The following CAPN14 variants were observed in gnomAD, a reference collection of about 807,000 sequenced individuals.
The protein encoded by CAPN14 is calpain-14.
CAPN14 carries 94 observed loss-of-function variants against 101.3 expected under a neutral mutation model. The observed-to-expected ratio is 0.93, with a 90% CI of 0.79 to 1.10. The LOEUF is 1.10. Among genes scored for constraint, CAPN14 ranks in the 50% least tolerant of loss-of-function variants. The pLI, the probability that CAPN14 is intolerant of heterozygous loss-of-function variation, is 0.00. For synonymous variants in CAPN14, 338 were observed against 317.9 expected (o/e 1.06, Z -0.67); for missense variants, 837 against 828.4 (o/e 1.01, Z -0.13).
At chr2:31,184,052 T>C (rs935600257) in intron 16 of CAPN14, among the ~76,000 whole-genome samples, 1 of 152,114 alleles carries the variant, frequency 6.6e-6, no homozygotes, top group Non-Finnish European at 1.5e-5. Context: ...TGGCTAATTT[T>C]TCATATTTTT....
intron 16 of CAPN14, among the ~76,000 whole-genome samples, chr2:31,182,887 A>C (rs1220576157): frequency 6.6e-6 from 1 of 151,458 alleles, no homozygotes; most frequent in African/African-American, 2.4e-5. Flanking sequence ...AGTCAATCCT[A>C]AGCCAAAAGA....
At chr2:31,217,844 C>T (rs75910154), upstream of CAPN14, among the ~76,000 whole-genome samples, 1,434 of 152,238 alleles carry the variant, frequency 9.4e-3, 22 homozygotes, top group African/African-American at 0.031. Context: ...CTCACCTCCC[C>T]ACAACTCCCA....
At chr2:31,181,548 T>G (rs1680632347) in intron 16 of CAPN14, among the ~76,000 whole-genome samples, 1 of 149,350 alleles carries the variant, frequency 6.7e-6, no homozygotes, top group Admixed American at 6.7e-5. Context: ...ATACCTTAAG[T>G]TTTAGGGTAC....
At chr2:31,191,301 C>T in intron 12 of CAPN14, 98 bp downstream of exon 12, 1 of 1,178,966 alleles carries the variant, frequency 8.5e-7, no homozygotes, top group South Asian at 1.5e-5. Flanking sequence ...GCTTCTTACG[C>T]AGTAGAAGCC....
chr2:31,204,502 C>A (rs182131347), intron 2 of CAPN14, among the ~76,000 whole-genome samples: 1 of 152,138 alleles, frequency 6.6e-6, no homozygotes, highest in African/African-American at 2.4e-5. Flanking sequence ...GTTTCAGCCC[C>A]ACCCCCTGAT....
At chr2:31,221,816 C>T (rs1008239371), upstream of CAPN14, among the ~76,000 whole-genome samples, 5 of 152,232 alleles carry the variant, frequency 3.3e-5, no homozygotes, top group South Asian at 2.1e-4. Context: ...TAAGACATTG[C>T]GACTGATGCC....
chr2:31,225,873 AAGAC>A lies in CAPN14; in HGVS notation c.-53+651_-53+654del, dbSNP rs139668061. 9.6e-3 allele frequency among the ~76,000 whole-genome samples: 1,462 copies of A among 152,256 alleles called. 19 individuals are homozygous for A. The highest frequency in any genetic ancestry group is 0.034 in the African/African-American group (1,399 of 41,532). On this transcript the variant is annotated intron_variant and NMD_transcript_variant, in intron 2 of 21. Coordinates refer to the CAPN14 transcript ENST00000398824. ...ATTACTTTTCAACTGGAAAAAATAA[AAGAC>A]AGAAAGGGAGAGGAGGAGGAAGACA...
rs550577225 is a variant in CAPN14 at position 31,203,073 on chromosome 2, C to A, written c.292G>T (p.Val98Leu). Residue 98 changes from valine to leucine, a missense_variant, in exon 3 of 22, where the codon GTA becomes TTA. By Grantham distance (32) the Val-to-Leu change is conservative (BLOSUM62 1). Coordinates refer to ENST00000403897, the MANE Select transcript of CAPN14 (RefSeq NM_001145122.2). ...TCTCGGGGCTGTGCAAACTTACCTACTATCCCCTGGCACAGATCCAGCCTT... is the reference window on the plus strand; with the variant it reads ...TCTCGGGGCTGTGCAAACTTACCTAATATCCCCTGGCACAGATCCAGCCTT... ...AKRLDLCQGIVGDCWFLAALQ... is the reference protein window; with the variant it reads ...AKRLDLCQGILGDCWFLAALQ... The A allele has an allele frequency of 1.9e-6, 3 of 1,551,558 alleles. No individual in the cohort carries two copies. The highest frequency in any genetic ancestry group is 2.4e-5 in the South Asian group (2 of 84,048).
At chr2:31,223,931 TA>T (rs762969099) in intron 2 of CAPN14, among the ~76,000 whole-genome samples, 15 of 152,214 alleles carry the variant, frequency 9.9e-5, no homozygotes, top group Non-Finnish European at 1.6e-4. Flanking sequence ...ACCTGACATA[TA>T]ACAGGCTCTC....
chr2:31,181,791 C>T (rs557198160), intron 16 of CAPN14, among the ~76,000 whole-genome samples: 24 of 146,536 alleles, frequency 1.6e-4, no homozygotes, highest in African/African-American at 4.9e-4. Flanking sequence ...TTTGTCCTTG[C>T]GATAGTTTAC....
At chr2:31,206,746 T>C (rs1338484881) in intron 1 of CAPN14, among the ~76,000 whole-genome samples, 2 of 152,224 alleles carry the variant, frequency 1.3e-5, no homozygotes, top group African/African-American at 4.8e-5. Flanking sequence ...TGGAGCTTCT[T>C]GCAGGACAGG....
chr2:31,206,021 ATTTTTTTTATTTATTTAT>A (rs958446372), intron 1 of CAPN14, among the ~76,000 whole-genome samples: 3 of 108,752 alleles, frequency 2.8e-5, no homozygotes, highest in African/African-American at 9.2e-5. Context: ...CATTATCTTT[ATTTTTTTTATTTATTTAT>A]TTTTTTTTTT....
intron 1 of CAPN14, among the ~76,000 whole-genome samples, chr2:31,210,986 G>A (rs539990716): frequency 2.6e-5 from 4 of 152,016 alleles, no homozygotes; most frequent in South Asian, 2.1e-4. Context: ...GAGCACATCC[G>A]AATTATTTTC....
Position 31,183,309 on chromosome 2 carries a change from T to C in CAPN14, c.1646-2309A>G, listed in dbSNP as rs570741152. ...TTCATGACTAAAACACCAAAAGCAA[T>C]GGCAACAAAAGCCAAAATTGAAAAA... On this transcript the variant is annotated intron_variant, in intron 16 of 21. Transcript: ENST00000403897. Among the ~76,000 whole-genome samples the C allele has an allele frequency of 6.0e-4, 91 of 152,194 alleles. No homozygotes were observed. In the East Asian group the frequency reaches 0.016, roughly 27 times the overall value.
chr2:31,187,312 T>C (rs1680943343), intron 15 of CAPN14, among the ~76,000 whole-genome samples: 1 of 151,952 alleles, frequency 6.6e-6, no homozygotes, highest in African/African-American at 2.4e-5. Context: ...CCCTCCCCCT[T>C]CTTATCAGTC....
At chr2:31,192,652 G>C (rs906303954) in intron 10 of CAPN14, among the ~76,000 whole-genome samples, 13 of 152,156 alleles carry the variant, frequency 8.5e-5, no homozygotes, top group Admixed American at 7.8e-4. Context: ...AGTCCAGACA[G>C]GTTTGTCTCC....
Position 31,202,128 on chromosome 2 carries a change from A to G in CAPN14, c.414+6T>C. On this transcript the variant is annotated splice_donor_region_variant and intron_variant, in intron 4 of 21. Transcript: ENST00000403897. ...CTCTGGGCTGAGGACCCGGGAAGAC[A>G]CTCACCCAGAACCGGAAGATGCCAG... 4 of 1,551,244 alleles carry G rather than the reference A, an allele frequency of 2.6e-6. No homozygotes were observed. Among genetic ancestry groups the G allele is most frequent in the South Asian group, 1.2e-5 (1 of 84,048 alleles).
At chr2:31,233,428 A>G (rs1045369327) in intron 1 of CAPN14, among the ~76,000 whole-genome samples, 3 of 152,150 alleles carry the variant, frequency 2.0e-5, no homozygotes, top group Non-Finnish European at 2.9e-5. Flanking sequence ...CCTTCCTCAA[A>G]TTAGCCACAC....
rs1424630711 is a variant in CAPN14, at chr2:31,177,838, A to G, written c.1780-17T>C. 6.5e-7 allele frequency: 1 copy of G among 1,548,038 alleles called. No individual in the cohort carries two copies. Among genetic ancestry groups the G allele is most frequent in the Non-Finnish European group, 8.7e-7 (1 of 1,143,500 alleles). ...GAAAACCTTCTGCAAAGAACCAAATAAGAGGTTCAGGAAGCCAGGCATTTC... is the reference window on the plus strand; with the variant it reads ...GAAAACCTTCTGCAAAGAACCAAATGAGAGGTTCAGGAAGCCAGGCATTTC... On this transcript the variant is annotated splice_polypyrimidine_tract_variant and intron_variant, in intron 18 of 21. Transcript: ENST00000403897.
Sources: allele counts gnomAD v4.1 joint callset (sites outside exome capture counted in the v4.1 genomes callset), GRCh38; gene constraint gnomAD v4.1.1; transcripts MANE v1.5; gene names NCBI Gene and HGNC (gene_info 2026-07-23, HGNC 2026-07-21).